KRR1: variants seen among roughly 807,000 people sequenced by gnomAD.
The protein encoded by KRR1 is KRR1 small subunit processome component homolog.
Under a neutral mutation model 50.0 loss-of-function variants are expected in KRR1, and 23 were observed. The ratio of observed to expected loss-of-function variants is 0.46; its 90% CI spans 0.33 to 0.65. KRR1 has a LOEUF of 0.65. Ranked by LOEUF, KRR1 falls within the 30% of genes least tolerant of loss-of-function variation. KRR1 has a pLI of 0.02. For synonymous variants in KRR1, 133 were observed against 146.3 expected, an observed-to-expected ratio of 0.91 and a Z score of 0.66; for missense variants, 419 against 442.4, an observed-to-expected ratio of 0.95 and a Z score of 0.47.
In KRR1 at chr12:75,506,932, G is replaced by A. The variant is rs767589318; in HGVS notation, c.259-16C>T. ...CATTAACATGCTACAGAAGGAAAGAGCAAACAAGCAGTTGTCTAAAAATGA... is the reference window on the plus strand; with the variant it reads ...CATTAACATGCTACAGAAGGAAAGAACAAACAAGCAGTTGTCTAAAAATGA... On this transcript the variant is annotated splice_polypyrimidine_tract_variant and intron_variant, in intron 2 of 9. Transcript: ENST00000229214. 6.4e-7 allele frequency: 1 copy of A among 1,567,558 alleles called. No homozygotes were observed. Among genetic ancestry groups the A allele is most frequent in the Admixed American group, 2.1e-5 (1 of 47,636 alleles).
At position 75,494,511 on chromosome 12, in the gene KRR1, G is replaced by A. The variant is rs1215262307; in HGVS notation, c.*5298C>T. ...GCCCCCGGTAGATCTTAATAGAGAAGCACATATTACTTTATCACAAATCTT... is the reference window on the plus strand; with the variant it reads ...GCCCCCGGTAGATCTTAATAGAGAAACACATATTACTTTATCACAAATCTT... On this transcript the variant is annotated 3_prime_UTR_variant, in exon 10 of 10. Transcript: ENST00000229214. 1 of 152,102 alleles carries A rather than the reference G, an allele frequency of 6.6e-6. No individual in the cohort carries two copies. The highest frequency in any genetic ancestry group is 2.1e-4 in the South Asian group (1 of 4,826). The allele number at this position is 152,102 out of a possible 1,614,324, so 9.4% of individuals were successfully genotyped here. A position where few individuals can be genotyped will look rare whatever the true frequency, so the allele number is the denominator to read the frequency against.
intron 5 of KRR1, among the ~76,000 whole-genome samples, chr12:75,505,865 A>T (rs565078937): frequency 1.1e-3 from 162 of 152,230 alleles, no homozygotes; most frequent in African/African-American, 3.7e-3. Flanking sequence ...AAAAGTTATT[A>T]AACATTATAC....
Position 75,495,573 on chromosome 12 carries a change from A to T in KRR1, c.*4236T>A. The T allele has an allele frequency of 6.4e-7, 1 of 1,563,668 alleles. No homozygotes were observed. Among genetic ancestry groups the T allele is most frequent in the Non-Finnish European group, 8.8e-7 (1 of 1,134,352 alleles). The stretch of plus-strand genomic sequence containing the variant: ...CTAATGGACATCCTTCTTCTGCTTT[A>T]CAGAGGGAATTACCCAACTTGGCCA... On this transcript the variant is annotated 3_prime_UTR_variant, in exon 10 of 10. Coordinates refer to ENST00000229214, the MANE Select transcript of KRR1 (RefSeq NM_007043.7).
chr12:75,507,208 G>A (rs2120628713), intron 2 of KRR1, among the ~76,000 whole-genome samples: 1 of 152,210 alleles, frequency 6.6e-6, no homozygotes, highest in Non-Finnish European at 1.5e-5. Context: ...AAACAAATGA[G>A]GTCATACTTA....
rs529914194 is a variant in KRR1, at chr12:75,494,154, T to C, written c.*5655A>G. The C allele has an allele frequency of 1.3e-5, 2 of 152,262 alleles. No homozygotes were observed. The highest frequency in any genetic ancestry group is 4.1e-4 in the South Asian group (2 of 4,828). The allele number at this position is 152,262 out of a possible 1,614,324, so 9.4% of individuals were successfully genotyped here. A position where few individuals can be genotyped will look rare whatever the true frequency, so the allele number is the denominator to read the frequency against. ...TTTGGAGCAAAATGAGATAAGAACA[T>C]AGATTTGGGGTTGGAAATAAGGTAT... On this transcript the variant is annotated 3_prime_UTR_variant, in exon 10 of 10. Transcript: ENST00000229214.
rs755472240 is a variant in KRR1, at chr12:75,497,350, T to C, written c.*2459A>G. The C allele has an allele frequency of 2.0e-5, 3 of 152,208 alleles. No homozygotes were observed. Among genetic ancestry groups the C allele is most frequent in the Non-Finnish European group, 2.9e-5 (2 of 68,036 alleles). The allele number at this position is 152,208 out of a possible 1,614,324, so 9.4% of individuals were successfully genotyped here. A position where few individuals can be genotyped will look rare whatever the true frequency, so the allele number is the denominator to read the frequency against. Reference sequence around the variant, plus strand: ...AACATTTAGAAGATTAAAGCTGTAGTCCAATAATGAAAACCCTTGGACTCT... The same window carrying C: ...AACATTTAGAAGATTAAAGCTGTAGCCCAATAATGAAAACCCTTGGACTCT... On this transcript the variant is annotated 3_prime_UTR_variant, in exon 10 of 10. Coordinates refer to ENST00000229214, the MANE Select transcript of KRR1 (RefSeq NM_007043.7).
In KRR1 at chr12:75,508,012, G is replaced by A. The variant is rs561262376; in HGVS notation, c.258+262C>T. ...GCATACTGAAATTGGGACTTCACAGGTGAATTTCAGACAGTTGTGAAGCTC... is the reference window on the plus strand; with the variant it reads ...GCATACTGAAATTGGGACTTCACAGATGAATTTCAGACAGTTGTGAAGCTC... On this transcript the variant is annotated intron_variant, in intron 2 of 9. Coordinates refer to ENST00000229214, the MANE Select transcript of KRR1 (RefSeq NM_007043.7). 7.9e-5 allele frequency among the ~76,000 whole-genome samples: 12 copies of A among 152,160 alleles called. No homozygotes were observed. The South Asian group carries it at 1.0e-3, about 13-fold the overall frequency.
rs115154800 is a variant in KRR1, at chr12:75,508,427, C to T, written c.105G>A (p.Thr35=). 1.5e-4 allele frequency: 233 copies of T among 1,605,012 alleles called. No homozygotes were observed. The African/African-American group carries it at 2.5e-3, about 17-fold the overall frequency. ...PENQDESELL[T]VPDGWKEPAF... ...CTGGTTCCTTCCAACCATCAGGAACCGTAAGGAGTTCTGATTCATCTACAG... is the reference window on the plus strand; with the variant it reads ...CTGGTTCCTTCCAACCATCAGGAACTGTAAGGAGTTCTGATTCATCTACAG... Residue 35 remains threonine (T), a synonymous_variant, in exon 2 of 10, where the codon ACG becomes ACA. Coordinates refer to ENST00000229214, the MANE Select transcript of KRR1 (RefSeq NM_007043.7).
rs376513543 is a variant in KRR1 at position 75,511,505 on chromosome 12, A to T, written c.85+8T>A. ...AAACCCCAGGCTTCGGTTCCCACATAACATCACCTTGGTTCTCCGGCTTCG... is the reference window on the plus strand; with the variant it reads ...AAACCCCAGGCTTCGGTTCCCACATTACATCACCTTGGTTCTCCGGCTTCG... On this transcript the variant is annotated splice_region_variant and intron_variant, in intron 1 of 9. Coordinates refer to ENST00000229214, the MANE Select transcript of KRR1 (RefSeq NM_007043.7). The T allele has an allele frequency of 1.3e-5, 21 of 1,609,168 alleles. No homozygotes were observed. Among genetic ancestry groups the T allele is most frequent in the Admixed American group, 1.7e-5 (1 of 57,628 alleles).
rs572740984 is a variant in KRR1, at chr12:75,491,746, G to A, written c.*8063C>T. On this transcript the variant is annotated 3_prime_UTR_variant, in exon 10 of 10. Transcript: ENST00000229214. ...ATTGTCTATTTATATTCCTTTTTCTGTGAATCATGTGGGCTGACCATTTTT... is the reference window on the plus strand; with the variant it reads ...ATTGTCTATTTATATTCCTTTTTCTATGAATCATGTGGGCTGACCATTTTT... 8 of 151,868 alleles carry A rather than the reference G, an allele frequency of 5.3e-5. No homozygotes were observed. The highest frequency in any genetic ancestry group is 1.2e-4 in the Non-Finnish European group (8 of 67,956). The allele number at this position is 151,868 out of a possible 1,614,324, so 9.4% of individuals were successfully genotyped here. A position where few individuals can be genotyped will look rare whatever the true frequency, so the allele number is the denominator to read the frequency against.
At chr12:75,510,286 C>T (rs1325971925) in intron 1 of KRR1, among the ~76,000 whole-genome samples, 1 of 152,168 alleles carries the variant, frequency 6.6e-6, no homozygotes, top group African/African-American at 2.4e-5. Flanking sequence ...ATGTTCACAA[C>T]CTAGAGAAAC....
At chr12:75,511,408 C>T (rs2046448150) in intron 1 of KRR1, 105 bp downstream of exon 1, 1 of 993,536 alleles carries the variant, frequency 1.0e-6, no homozygotes, top group Non-Finnish European at 1.6e-6. Flanking sequence ...CTCAACTACA[C>T]AGTACAGGCT....
In KRR1 at chr12:75,499,198, T is replaced by C. The variant is rs2046372848; in HGVS notation, c.*611A>G. On this transcript the variant is annotated 3_prime_UTR_variant, in exon 10 of 10. Coordinates refer to ENST00000229214, the MANE Select transcript of KRR1 (RefSeq NM_007043.7). ...TTTGCAGGTTGCCACAGGTGGACTTTTAGTAAGTAACCTAACCCATGTTTC... is the reference window on the plus strand; with the variant it reads ...TTTGCAGGTTGCCACAGGTGGACTTCTAGTAAGTAACCTAACCCATGTTTC... 7.9e-6 allele frequency: 3 copies of C among 377,558 alleles called. No individual in the cohort carries two copies. Among genetic ancestry groups the C allele is most frequent in the East Asian group, 8.9e-5 (2 of 22,456 alleles). 23.4% of individuals were successfully genotyped at this position (377,558 alleles called of 1,614,324 possible).
chr12:75,493,410 G>C lies in KRR1; in HGVS notation c.*6399C>G, dbSNP rs2046334070. On this transcript the variant is annotated 3_prime_UTR_variant, in exon 10 of 10. Transcript: ENST00000229214. ...TCAATATTTCTGATACCTCAGAATGGGGTCTGGGATGCTTAATCTTCCAGT... is the reference window on the plus strand; with the variant it reads ...TCAATATTTCTGATACCTCAGAATGCGGTCTGGGATGCTTAATCTTCCAGT... 1 of 152,104 alleles carries C rather than the reference G, an allele frequency of 6.6e-6. No individual in the cohort carries two copies. Among genetic ancestry groups the C allele is most frequent in the African/African-American group, 2.4e-5 (1 of 41,424 alleles). The allele number at this position is 152,104 out of a possible 1,614,324, so 9.4% of individuals were successfully genotyped here.
Position 75,493,718 on chromosome 12 carries a change from T to C in KRR1, c.*6091A>G, listed in dbSNP as rs374377313. ...CTCTCTCAGGCTACCAGGGAAAACA[T>C]TGAAATGTCCTGTTGCTTTATTGTG... On this transcript the variant is annotated 3_prime_UTR_variant, in exon 10 of 10. Coordinates refer to ENST00000229214, the MANE Select transcript of KRR1 (RefSeq NM_007043.7). 40 of 152,340 alleles carry C rather than the reference T, an allele frequency of 2.6e-4. No homozygotes were observed. Among genetic ancestry groups the C allele is most frequent in the East Asian group, 7.7e-4 (4 of 5,180 alleles). 9.4% of individuals were successfully genotyped at this position (152,340 alleles called of 1,614,324 possible).
At chr12:75,500,095 T>C (rs2046381224) in intron 9 of KRR1, 144 bp from the exon 10 acceptor site, 5 of 559,674 alleles carry the variant, frequency 8.9e-6, no homozygotes, top group Non-Finnish European at 1.5e-5. Context: ...GTGATCACAG[T>C]ATAAAATATA....
At chr12:75,510,518 C>A (rs7954292) in intron 1 of KRR1, among the ~76,000 whole-genome samples, 1,755 of 152,190 alleles carry the variant, frequency 0.012, 28 homozygotes, top group African/African-American at 0.04. Flanking sequence ...TAAGAAGACA[C>A]AGAAAAATGC....
At chr12:75,505,908 GAA>G (rs1387076770) in intron 5 of KRR1, among the ~76,000 whole-genome samples, 2 of 152,128 alleles carry the variant, frequency 1.3e-5, no homozygotes, top group African/African-American at 4.8e-5. Context: ...ACATCTTGAA[GAA>G]AAGTTTTCAG....
rs1054686391 is a variant in KRR1, at chr12:75,499,138, T to A, written c.*671A>T. 1.1e-5 allele frequency: 5 copies of A among 470,832 alleles called. No individual in the cohort carries two copies. Among genetic ancestry groups the A allele is most frequent in the Non-Finnish European group, 1.8e-5 (5 of 270,712 alleles). The allele number at this position is 470,832 out of a possible 1,614,324, so 29.2% of individuals were successfully genotyped here. A position where few individuals can be genotyped will look rare whatever the true frequency, so the allele number is the denominator to read the frequency against. On this transcript the variant is annotated 3_prime_UTR_variant, in exon 10 of 10. Coordinates refer to ENST00000229214, the MANE Select transcript of KRR1 (RefSeq NM_007043.7). Reference sequence around the variant, plus strand: ...CAAAAGAAGAAATTTCCTAACTCTATCAGATAAACTCATCTTTAGTATAAA... The same window carrying A: ...CAAAAGAAGAAATTTCCTAACTCTAACAGATAAACTCATCTTTAGTATAAA...
Sources: allele counts gnomAD v4.1 joint callset (sites outside exome capture counted in the v4.1 genomes callset), GRCh38; gene constraint gnomAD v4.1.1; transcripts MANE v1.5; gene names NCBI Gene and HGNC (gene_info 2026-07-23, HGNC 2026-07-21).